The following ABCA7 variants were observed in gnomAD, a reference collection of about 807,000 sequenced individuals.
ABCA7 encodes the protein ATP binding cassette subfamily A member 7, also known as phospholipid-transporting ATPase ABCA7.
A neutral mutation model predicts 227.6 loss-of-function variants in ABCA7; 261 were observed. That is an observed-to-expected ratio of 1.15 (90% CI 1.04 to 1.27). The LOEUF (loss-of-function observed/expected upper bound fraction) is 1.27, where lower values mean the gene tolerates loss of function less well. ABCA7 is among the 50% of genes most tolerant of loss of function. ABCA7 has a pLI of 0.00. For synonymous variants in ABCA7, 1,488 were observed against 1,279.7 expected (o/e 1.16, Z -3.47); for missense variants, 3,331 against 2,924.5 (o/e 1.14, Z -3.21).
At chr19:1,060,207 A>ATATATTTTTTTTTTTTTT in intron 40 of ABCA7, among the ~76,000 whole-genome samples, 2 of 96,770 alleles carry the variant, frequency 2.1e-5, no homozygotes, top group African/African-American at 7.0e-5. Context: ...ATATATATAT[A>ATATATTTTTTTTTTTTTT]TTTTTTTTTC....
chr19:1,045,007 G>A lies in ABCA7; in HGVS notation c.1221G>A (p.Leu407=), dbSNP rs566988992. 1 of 1,612,592 alleles carries A rather than the reference G, an allele frequency of 6.2e-7. No individual in the cohort carries two copies. The highest frequency in any genetic ancestry group is 8.5e-7 in the Non-Finnish European group (1 of 1,179,920). ...VGTLGRVTEC[L]SLDKLEAAPS... ...CTCACCCCCGCATCCCACAGTGCCT[G>A]TCCTTGGACAAGCTGGAGGCGGCAC... Residue 407 remains leucine (L), a synonymous_variant, in exon 12 of 47, where the codon CTG becomes CTA. Transcript: ENST00000263094.
At chr19:1,062,028 C>A in intron 41 of ABCA7, 140 bp downstream of exon 41, 1 of 1,446,212 alleles carries the variant, frequency 6.9e-7, no homozygotes, top group Non-Finnish European at 9.3e-7. Context: ...GCACCTCTAC[C>A]TCCCACACGC....
At chr19:1,064,303 G>A (rs1180478072) in intron 45 of ABCA7, 50 bp downstream of exon 45, 8 of 1,507,834 alleles carry the variant, frequency 5.3e-6, no homozygotes, top group Non-Finnish European at 7.1e-6. Context: ...TGGGCACGTA[G>A]GTAGGCTCAG....
In ABCA7 at chr19:1,042,781, G is replaced by A. The variant is rs144910024; in HGVS notation, c.534G>A (p.Glu178=). ...GGTTGGCACTGGGCCAAGCCCAGGA[G>A]CCCTTGCACAGCTTGTTGGAGGCCG... ...SLGLALGQAQ[E]PLHSLLEAAE... The change falls in exon 7 of 47, where the codon GAG becomes GAA. Residue 178 remains glutamate (E), a synonymous_variant. Transcript: ENST00000263094. 5.6e-6 allele frequency: 9 copies of A among 1,613,206 alleles called. No homozygotes were observed. Among genetic ancestry groups the A allele is most frequent in the South Asian group, 1.1e-5 (1 of 91,072 alleles).
intron 37 of ABCA7, 59 bp downstream of exon 37, chr19:1,058,328 T>C: frequency 1.3e-6 from 2 of 1,596,442 alleles, no homozygotes; most frequent in Non-Finnish European, 8.5e-7. Flanking sequence ...CTTGGAGACC[T>C]AGAGTTAATT....
intron 14 of ABCA7, 53 bp from the exon 15 acceptor site, chr19:1,047,104 C>T (rs2040767692): frequency 1.2e-5 from 19 of 1,561,122 alleles, no homozygotes; most frequent in Non-Finnish European, 1.6e-5. Flanking sequence ...CGTGGGTGCG[C>T]GCCCCCAGGC....
At chr19:1,043,692 G>A (rs747889847) in intron 9 of ABCA7, 33 bp from the exon 10 acceptor site, 6 of 1,604,888 alleles carry the variant, frequency 3.7e-6, no homozygotes, top group Non-Finnish European at 5.1e-6. Context: ...CAGAGGAGGA[G>A]AGGGTCATCA....
Position 1,055,915 on chromosome 19 carries a change from C to CG in ABCA7, c.4214_4215insG (p.Lys1406Ter). 1 of 1,594,028 alleles carries CG rather than the reference C, an allele frequency of 6.3e-7. No homozygotes were observed. The highest frequency in any genetic ancestry group is 8.6e-7 in the Non-Finnish European group (1 of 1,169,470). ...GTCCATCTCTCCCACAGCCTGAAGA[C>CG]TAAGAAGTGGGTGAATGAGGTCAGG... is the stretch of plus-strand genomic sequence containing the variant. On this transcript the variant is annotated frameshift_variant, in exon 31 of 47. Transcript: ENST00000263094. LOFTEE classifies it high-confidence loss of function.
Position 1,058,288 on chromosome 19 carries a change from G to T in ABCA7, c.5149+19G>T. 3.7e-6 allele frequency: 6 copies of T among 1,612,342 alleles called. No individual in the cohort carries two copies. Among genetic ancestry groups the T allele is most frequent in the Non-Finnish European group, 5.1e-6 (6 of 1,179,606 alleles). On this transcript the variant is annotated intron_variant, in intron 37 of 46. Coordinates refer to ENST00000263094, the MANE Select transcript of ABCA7 (RefSeq NM_019112.4). ...CGCTTGGGTGAGAACTTCCTGTCAG[G>T]TGGGGCCATGGCTACAGATAGCTAG...
At chr19:1,049,226 C>A in intron 17 of ABCA7, 40 bp from the exon 18 acceptor site, 2 of 1,554,390 alleles carry the variant, frequency 1.3e-6, no homozygotes, top group Non-Finnish European at 1.7e-6. Context: ...GCCCCAGGAC[C>A]CCCATGACCT....
rs376015302 is a variant in ABCA7, at chr19:1,049,420, C to G, written c.2535C>G (p.Ala845=). 3 of 1,605,928 alleles carry G rather than the reference C, an allele frequency of 1.9e-6. No homozygotes were observed. Among genetic ancestry groups the G allele is most frequent in the African/African-American group, 2.7e-5 (2 of 74,520 alleles). The change falls in exon 18 of 47, where the codon GCC becomes GCG. Residue 845 remains alanine (A), a synonymous_variant. Transcript: ENST00000263094. ...CCGCCTTCCTGGGCCACAACGGGGC[C>G]GGCAAGACCACCACCCTGTGAGCCC... ...HITAFLGHNG[A]GKTTTLSILS... is the part of the protein sequence containing the mutation.
chr19:1,045,339 T>G (rs1045847434), intron 12 of ABCA7, 108 bp downstream of exon 12: 13 of 1,135,856 alleles, frequency 1.1e-5, no homozygotes, highest in African/African-American at 1.5e-5. Context: ...AGACAGGATC[T>G]GGGCTGTATC....
chr19:1,041,217 C>G lies in ABCA7; in HGVS notation c.-137-8C>G. 1 of 850,324 alleles carries G rather than the reference C, an allele frequency of 1.2e-6. No homozygotes were observed. The highest frequency in any genetic ancestry group is 2.0e-6 in the Non-Finnish European group (1 of 509,662). The allele number at this position is 850,324 out of a possible 1,614,324, so 52.7% of individuals were successfully genotyped here. A position where few individuals can be genotyped will look rare whatever the true frequency, so the allele number is the denominator to read the frequency against. On this transcript the variant is annotated splice_region_variant and splice_polypyrimidine_tract_variant and intron_variant, in intron 1 of 46. Coordinates refer to ENST00000263094, the MANE Select transcript of ABCA7 (RefSeq NM_019112.4). ...TCGAGTGACTACTGTTTGCCTCGCT[C>G]TAATCAGAGCTTCCAGGAACCCTGC...
rs572515048 is a variant in ABCA7 at position 1,058,135 on chromosome 19, C to A, written c.5026-11C>A. Reference sequence around the variant, plus strand: ...GCCCCTGACCAACATCCGTCTCCCACCCTTGAGCAGAAGCTGCAGGAGGTG... The same window carrying A: ...GCCCCTGACCAACATCCGTCTCCCAACCTTGAGCAGAAGCTGCAGGAGGTG... On this transcript the variant is annotated splice_polypyrimidine_tract_variant and intron_variant, in intron 36 of 46. Transcript: ENST00000263094. The A allele has an allele frequency of 6.2e-7, 1 of 1,614,028 alleles. No homozygotes were observed. Among genetic ancestry groups the A allele is most frequent in the Admixed American group, 1.7e-5 (1 of 60,012 alleles).
rs374221840 is a variant in ABCA7 at position 1,054,316 on chromosome 19, G to A, written c.3701G>A (p.Arg1234His). 4.7e-5 allele frequency: 76 copies of A among 1,601,570 alleles called. No individual in the cohort carries two copies. Among genetic ancestry groups the A allele is most frequent in the Middle Eastern group, 3.4e-4 (2 of 5,912 alleles). ...LLLKRFLLARRSRRGLFAQIV... is the reference protein window; with the variant it reads ...LLLKRFLLARHSRRGLFAQIV... Reference sequence around the variant, plus strand: ...CTCAAGCGCTTTCTGCTTGCCCGCCGCAGCCGCCGCGGCCTGTTCGCCCAG... The same window carrying A: ...CTCAAGCGCTTTCTGCTTGCCCGCCACAGCCGCCGCGGCCTGTTCGCCCAG... Residue 1234 changes from arginine (R) to histidine (H), a missense_variant, in exon 27 of 47, where the codon CGC becomes CAC. Transcript: ENST00000263094. The surrounding 1 kb of genome is among the most constrained non-coding windows in gnomAD (Gnocchi z 4.8).
chr19:1,053,473 C>T lies in ABCA7; in HGVS notation c.3365C>T (p.Thr1122Met), dbSNP rs754794829. The T allele has an allele frequency of 6.9e-6, 11 of 1,592,086 alleles. No homozygotes were observed. The highest frequency in any genetic ancestry group is 4.0e-5 in the African/African-American group (3 of 74,444). ...GCCACACTCTTCCGAGAGCTAGACA[C>T]GCGGCTGGCGGAGCTGAGGCTCACT... ...SFATLFRELD[T>M]RLAELRLTGY... is the part of the protein sequence containing the mutation. Residue 1122 changes from threonine (T) to methionine (M), a missense_variant, in exon 24 of 47, where the codon ACG (threonine) becomes ATG (methionine). Coordinates refer to ENST00000263094, the MANE Select transcript of ABCA7 (RefSeq NM_019112.4).
intron 35 of ABCA7, 49 bp from the exon 36 acceptor site, chr19:1,057,866 G>A (rs769458053): frequency 3.0e-5 from 48 of 1,605,288 alleles, no homozygotes; most frequent in Non-Finnish European, 4.0e-5. Flanking sequence ...TTCCTCTCAG[G>A]GCTTCTCAGT....
intron 40 of ABCA7, among the ~76,000 whole-genome samples, chr19:1,061,364 C>T (rs987381622): frequency 8.0e-4 from 94 of 117,386 alleles, no homozygotes; most frequent in African/African-American, 3.1e-3. Flanking sequence ...GCCATTGCGC[C>T]GGGGTGACAC....
intron 35 of ABCA7, 97 bp downstream of exon 35, chr19:1,057,526 A>G: frequency 3.2e-6 from 4 of 1,245,456 alleles, no homozygotes; most frequent in Non-Finnish European, 4.7e-6. Context: ...ACTCCCAAGG[A>G]GAGGATATGG....
Sources: gnomAD v4.1 joint callset for allele counts (sites outside exome capture counted in the v4.1 genomes callset) on GRCh38, gnomAD v4.1.1 for gene constraint, Gnocchi (gnomAD v3.1) non-coding constraint, MANE v1.5 for transcripts, NCBI Gene and HGNC (gene_info 2026-07-23, HGNC 2026-07-21) for gene names.